The following PEAK1 variants were observed in gnomAD, a reference collection of about 807,000 sequenced individuals.
PEAK1 encodes the protein pseudopodium enriched atypical kinase 1, also known as inactive tyrosine-protein kinase PEAK1.
PEAK1 carries 54 observed loss-of-function variants against 124.7 expected under a neutral mutation model. That is an observed-to-expected ratio of 0.43 (90% confidence interval 0.35 to 0.54). The LOEUF is 0.54. PEAK1 is among the 20% of genes least tolerant of loss of function. The pLI, the probability that PEAK1 is intolerant of heterozygous loss-of-function variation, is 0.01. For synonymous variants in PEAK1, 719 were observed against 760.0 expected (o/e 0.95, Z 0.89); for missense variants, 2,046 against 2,134.5 (o/e 0.96, Z 0.82).
chr15:77,334,480 A>G, intron 2 of PEAK1: 2 of 985,296 alleles, frequency 2.0e-6, no homozygotes, highest in Non-Finnish European at 2.4e-6. Flanking sequence ...ATTTAGTCAG[A>G]TTTATTCAGC....
intron 6 of PEAK1, among the ~76,000 whole-genome samples, chr15:77,249,138 A>ATT (rs558672440): frequency 6.8e-6 from 1 of 147,352 alleles, no homozygotes; most frequent in African/African-American, 2.5e-5. Context: ...TACTATTGAA[A>ATT]TTTTTTTTTT....
chr15:77,142,109 C>A (rs939220176), intron 8 of PEAK1, among the ~76,000 whole-genome samples: 2 of 152,088 alleles, frequency 1.3e-5, no homozygotes, highest in Non-Finnish European at 2.9e-5. Flanking sequence ...GACTTATATT[C>A]AGAATATATA....
chr15:77,321,161 T>C (rs1481276941), intron 2 of PEAK1, among the ~76,000 whole-genome samples: 1 of 152,234 alleles, frequency 6.6e-6, no homozygotes, highest in Non-Finnish European at 1.5e-5. Context: ...TTATAATCCT[T>C]TGGGTATATA....
chr15:77,314,174 T>A (rs182907637), intron 2 of PEAK1, among the ~76,000 whole-genome samples: 1 of 152,180 alleles, frequency 6.6e-6, no homozygotes, highest in Non-Finnish European at 1.5e-5. Flanking sequence ...AGTTAAAGCA[T>A]ATGCTATCAT....
At chr15:77,334,850 A>C in intron 2 of PEAK1, 2 of 985,286 alleles carry the variant, frequency 2.0e-6, no homozygotes, top group Non-Finnish European at 2.4e-6. Flanking sequence ...TTAATTTGGC[A>C]ACTGTATTTT....
At chr15:77,173,152 G>A (rs2056624568) in intron 7 of PEAK1, among the ~76,000 whole-genome samples, 1 of 152,104 alleles carries the variant, frequency 6.6e-6, no homozygotes, top group South Asian at 2.1e-4. Flanking sequence ...ATGCTAAGAT[G>A]CAAGTAGTTT....
chr15:77,403,537 A>G, intron 1 of PEAK1: 1 of 972,114 alleles, frequency 1.0e-6, no homozygotes, highest in African/African-American at 1.8e-5. Context: ...TTCCACTGGT[A>G]GCATATTTAT....
At chr15:77,166,594 T>C (rs532574395) in intron 7 of PEAK1, among the ~76,000 whole-genome samples, 2 of 152,320 alleles carry the variant, frequency 1.3e-5, no homozygotes, top group South Asian at 4.1e-4. Flanking sequence ...CCTTTAAGTC[T>C]CACAACAACT....
rs1387935453 is a variant in PEAK1 at position 77,181,916 on chromosome 15, C to T, written c.11G>A (p.Cys4Tyr). The change falls in exon 7 of 10, where the codon TGT becomes TAT. Residue 4 changes from cysteine to tyrosine, a missense_variant. Physicochemically the swap from Cys to Tyr is radical, Grantham distance 194. Coordinates refer to ENST00000682557, the MANE Select transcript of PEAK1 (RefSeq NM_001385026.1). ...CCAAACATGTTCAGTAAAGGTGTTA[C>T]AAGCAGACATTTTTAAAAATAGAAC... MSA[C>Y]NTFTEHVWKP... 13 of 1,550,780 alleles carry T rather than the reference C, an allele frequency of 8.4e-6. No individual in the cohort carries two copies. The highest frequency in any genetic ancestry group is 1.4e-5 in the African/African-American group (1 of 72,240).
chr15:77,375,778 G>T (rs1208768336), intron 1 of PEAK1, among the ~76,000 whole-genome samples: 1 of 152,052 alleles, frequency 6.6e-6, no homozygotes, highest in Admixed American at 6.6e-5. Context: ...GGTGGATCAC[G>T]AAGTCAGGAG....
At chr15:77,349,727 G>A (rs991786710) in intron 2 of PEAK1, 3 of 984,912 alleles carry the variant, frequency 3.0e-6, no homozygotes, top group African/African-American at 1.7e-5. Context: ...TCTATAAGTA[G>A]GTCAATCATT....
In PEAK1 at chr15:77,143,910, C is replaced by G. The variant is rs183665493; in HGVS notation, c.3332-10160G>C. On this transcript the variant is annotated intron_variant, in intron 8 of 9. Transcript: ENST00000682557. ...GAGCAGAATGGAATAAATAAGAAAA[C>G]TAGAACATGAACCTATTCTTACCTA... 1.9e-3 allele frequency among the ~76,000 whole-genome samples: 297 copies of G among 152,318 alleles called. 2 individuals are homozygous for G. The highest frequency in any genetic ancestry group is 5.0e-4 in the Non-Finnish European group (34 of 68,016).
chr15:77,320,226 C>T (rs74490869), intron 2 of PEAK1, among the ~76,000 whole-genome samples: 2,322 of 152,194 alleles, frequency 0.015, 62 homozygotes, highest in African/African-American at 0.053. Flanking sequence ...CCTAGTGTCA[C>T]TCCTACCAAC....
intron 2 of PEAK1, among the ~76,000 whole-genome samples, chr15:77,363,908 A>G (rs1233144478): frequency 6.6e-6 from 1 of 152,086 alleles, no homozygotes. Context: ...TACTTTTAAG[A>G]GTGATGAAAG....
At chr15:77,347,071 C>T (rs1218404818) in intron 2 of PEAK1, 1 of 381,596 alleles carries the variant, frequency 2.6e-6, no homozygotes, top group Non-Finnish European at 3.6e-6. Context: ...TGAGGGAAGA[C>T]CATTCCTTGC....
chr15:77,420,524 C>T (rs1489542923), upstream of PEAK1: 1 of 197,362 alleles, frequency 5.1e-6, no homozygotes, highest in African/African-American at 2.3e-5. Context: ...CGTCGGGGCC[C>T]GCTAGGTCAG....
chr15:77,163,372 T>C (rs2055827618), intron 7 of PEAK1, among the ~76,000 whole-genome samples: 1 of 152,242 alleles, frequency 6.6e-6, no homozygotes, highest in Non-Finnish European at 1.5e-5. Flanking sequence ...ATTTGTCTGT[T>C]ATATAAACAA....
At chr15:77,229,645 CTTTCT>C (rs1435701316) in intron 6 of PEAK1, among the ~76,000 whole-genome samples, 6 of 148,818 alleles carry the variant, frequency 4.0e-5, no homozygotes, top group Admixed American at 6.8e-5. Flanking sequence ...TCTTTCTTTT[CTTTCT>C]TTTTTTTTTT....
chr15:77,134,431 T>A (rs1352215413), intron 8 of PEAK1, among the ~76,000 whole-genome samples: 1 of 152,214 alleles, frequency 6.6e-6, no homozygotes, highest in African/African-American at 2.4e-5. Context: ...AGCAGTCAAC[T>A]TCTGTTCTGA....
Sources: gnomAD v4.1 joint callset for allele counts (sites outside exome capture counted in the v4.1 genomes callset) on GRCh38, gnomAD v4.1.1 for gene constraint, MANE v1.5 for transcripts, NCBI Gene and HGNC (gene_info 2026-07-23, HGNC 2026-07-21) for gene names.